Variants in AKAP1 observed in about 807,000 individuals in gnomAD.
AKAP1 encodes the protein A-kinase anchor protein 1, mitochondrial.
In AKAP1, 32 loss-of-function variants were observed where a neutral mutation model predicts 79.8. That is an observed-to-expected ratio of 0.40 (90% confidence interval 0.30 to 0.54). AKAP1 has a LOEUF of 0.54. AKAP1 is among the 20% of genes least tolerant of loss of function. The probability of loss-of-function intolerance (pLI) is 0.47; values close to 1 mark genes in which losing one functional copy is unlikely to be tolerated. For synonymous variants in AKAP1, 416 were observed against 466.7 expected, an observed-to-expected ratio of 0.89 and a Z score of 1.40; for missense variants, 961 against 1,138.9, an observed-to-expected ratio of 0.84 and a Z score of 2.25.
intron 10 of AKAP1, 83 bp from the exon 11 acceptor site, chr17:57,120,167 C>T (rs932317023): frequency 2.9e-5 from 38 of 1,304,444 alleles, no homozygotes; most frequent in Admixed American, 2.6e-4. Flanking sequence ...CAGTGGCAAC[C>T]GGGGAGGGGA....
intron 1 of AKAP1, chr17:57,096,245 T>G (rs973182176): frequency 3.9e-5 from 6 of 152,254 alleles, no homozygotes; most frequent in African/African-American, 9.7e-5. Context: ...TTTTGGCTTG[T>G]CTTGTCTTAC....
At chr17:57,112,955 G>A (rs116140159) in intron 5 of AKAP1, among the ~76,000 whole-genome samples, 1,987 of 152,294 alleles carry the variant, frequency 0.013, 47 homozygotes, top group African/African-American at 0.045. Flanking sequence ...GTCCAGGGTC[G>A]CCGTTCACCA....
rs368217273 is a variant in AKAP1 at position 57,091,679 on chromosome 17, A to ATTATTTATTTATTTAT, written c.-25+6293_-25+6308dup. On this transcript the variant is annotated intron_variant, in intron 1 of 10. Transcript: ENST00000337714. ...GAAACCACATAACCCCATTAAAAAC[A>ATTATTTATTTATTTAT]TTATTTATTTATTTATTTATTTATT... Among the ~76,000 whole-genome samples, 622 of 150,890 alleles carry ATTATTTATTTATTTAT rather than the reference A, an allele frequency of 4.1e-3. 2 individuals carry two copies. Among genetic ancestry groups the ATTATTTATTTATTTAT allele is most frequent in the African/African-American group, 0.014 (564 of 41,010 alleles).
In AKAP1 at chr17:57,106,013, C is replaced by A. The variant is rs376137828; in HGVS notation, c.549C>A (p.Pro183=). The change falls in exon 2 of 11, where the codon CCC becomes CCA. Residue 183 remains proline (P), a synonymous_variant. Coordinates refer to ENST00000337714, the MANE Select transcript of AKAP1 (RefSeq NM_003488.4). Reference sequence around the variant, plus strand: ...CAAGGAAGGTCCAGCCAGGCTACCCCGTAGTCCCCGCAGAGAAGCGTAGCT... The same window carrying A: ...CAAGGAAGGTCCAGCCAGGCTACCCAGTAGTCCCCGCAGAGAAGCGTAGCT... ...RVPRKVQPGY[P]VVPAEKRSSG... is the part of the protein sequence containing the mutation. 6.2e-7 allele frequency: 1 copy of A among 1,613,800 alleles called. No homozygotes were observed.
chr17:57,107,980 G>T, intron 2 of AKAP1: 2 of 1,289,480 alleles, frequency 1.6e-6, no homozygotes, highest in Non-Finnish European at 2.0e-6. Flanking sequence ...GGGGCACTTT[G>T]ATAACGAGGT....
At chr17:57,108,123 T>G in intron 2 of AKAP1, 2 of 812,500 alleles carry the variant, frequency 2.5e-6, no homozygotes, top group Non-Finnish European at 3.2e-6. Context: ...AGGCCACGAA[T>G]ATCCCGAGTG....
chr17:57,099,545 TAGG>T, intron 1 of AKAP1, among the ~76,000 whole-genome samples: 1 of 152,200 alleles, frequency 6.6e-6, no homozygotes, highest in African/African-American at 2.4e-5. Context: ...CAGTGCCTTC[TAGG>T]AGGCCATCCC....
chr17:57,100,650 T>C (rs1914448134), intron 1 of AKAP1, among the ~76,000 whole-genome samples: 1 of 152,040 alleles, frequency 6.6e-6, no homozygotes, highest in African/African-American at 2.4e-5. Flanking sequence ...ACAAACAAAC[T>C]GACCGGATGA....
chr17:57,091,048 T>C (rs531443028), intron 1 of AKAP1, among the ~76,000 whole-genome samples: 9 of 152,306 alleles, frequency 5.9e-5, no homozygotes, highest in African/African-American at 2.2e-4. Flanking sequence ...GGATGTGCCT[T>C]TGTGAGGTTG....
At chr17:57,112,671 C>G (rs1915325918) in intron 5 of AKAP1, 53 bp downstream of exon 5, 2 of 1,552,088 alleles carry the variant, frequency 1.3e-6, no homozygotes, top group Non-Finnish European at 1.7e-6. Flanking sequence ...CCCAAACCTA[C>G]CCCAAACAAG....
chr17:57,116,518 G>A (rs1915595488), intron 7 of AKAP1, among the ~76,000 whole-genome samples: 1 of 152,176 alleles, frequency 6.6e-6, no homozygotes, highest in African/African-American at 2.4e-5. Flanking sequence ...GTGGCCTGCT[G>A]CAAATCCCAG....
intron 1 of AKAP1, among the ~76,000 whole-genome samples, 154 bp from the exon 2 acceptor site, chr17:57,105,287 G>A (rs983043264): frequency 2.0e-5 from 3 of 152,166 alleles, no homozygotes; most frequent in Admixed American, 6.5e-5. Context: ...GGGTGGACTG[G>A]TACGAGCTGA....
intron 1 of AKAP1, among the ~76,000 whole-genome samples, chr17:57,096,940 T>C (rs1224896572): frequency 1.3e-5 from 2 of 152,174 alleles, no homozygotes; most frequent in Non-Finnish European, 1.5e-5. Flanking sequence ...AAGTGCTCAG[T>C]AACCTCCCAT....
At position 57,086,021 on chromosome 17, in the gene AKAP1, G is replaced by T. The variant is rs1913424183; in HGVS notation, c.-25+623G>T. 1 of 193,676 alleles carries T rather than the reference G, an allele frequency of 5.2e-6. No homozygotes were observed. The highest frequency in any genetic ancestry group is 1.1e-5 in the Non-Finnish European group (1 of 91,418). 12.0% of individuals were successfully genotyped at this position (193,676 alleles called of 1,614,324 possible). The stretch of plus-strand genomic sequence containing the variant: ...ATGGGCCGGGACATCGGCCGGTTGT[G>T]ATCCAACCGTGTTTCGGGCTGAGGG... On this transcript the variant is annotated intron_variant, in intron 1 of 10. Coordinates refer to ENST00000337714, the MANE Select transcript of AKAP1 (RefSeq NM_003488.4). This position sits in a 1 kb window ranked among gnomAD's most constrained non-coding sequence, Gnocchi z 5.1.
chr17:57,114,563 G>T lies in AKAP1; in HGVS notation c.2208G>T (p.Leu736=). 6.2e-7 allele frequency: 1 copy of T among 1,614,190 alleles called. No individual in the cohort carries two copies. The highest frequency in any genetic ancestry group is 2.2e-5 in the East Asian group (1 of 44,868). Residue 736 remains leucine (L), a synonymous_variant, in exon 6 of 11, where the codon CTG becomes CTT. Transcript: ENST00000337714. ...ACACACACCCTACCTTCCACGCGCT[G>T]CGCAGCCTCGACCAGCAGATGTACC... is the stretch of plus-strand genomic sequence containing the variant. ...QQHTHPTFHA[L]RSLDQQMYLC...
chr17:57,120,325 C>A lies in AKAP1; in HGVS notation c.*1C>A, dbSNP rs766595204. 1.2e-5 allele frequency: 20 copies of A among 1,612,446 alleles called. 1 individual carries two copies. In the South Asian group the frequency reaches 2.1e-4, roughly 17 times the overall value. On this transcript the variant is annotated 3_prime_UTR_variant, in exon 11 of 11. Transcript: ENST00000337714. ...AGACAGCTACTACACAAGCCTTTGACCCCCATGCTGCTTCCTGAGAGTCTT... is the reference window on the plus strand; with the variant it reads ...AGACAGCTACTACACAAGCCTTTGAACCCCATGCTGCTTCCTGAGAGTCTT...
chr17:57,092,226 C>T (rs1913827313), intron 1 of AKAP1: 2 of 152,192 alleles, frequency 1.3e-5, no homozygotes, highest in South Asian at 4.1e-4. Flanking sequence ...TTGCTGGTTC[C>T]CTAGGCCACC....
At chr17:57,108,008 T>A in intron 2 of AKAP1, 2 of 1,286,972 alleles carry the variant, frequency 1.6e-6, no homozygotes, top group Non-Finnish European at 2.0e-6. Flanking sequence ...GTTTTTCGAG[T>A]GCTGACCCCA....
chr17:57,089,365 G>A (rs1458718831), intron 1 of AKAP1, among the ~76,000 whole-genome samples: 1 of 152,166 alleles, frequency 6.6e-6, no homozygotes, highest in Non-Finnish European at 1.5e-5. Context: ...TTTAAAGATA[G>A]CTTTATTTGC....
Sources: allele counts gnomAD v4.1 joint callset (sites outside exome capture counted in the v4.1 genomes callset), GRCh38; gene constraint gnomAD v4.1.1; non-coding constraint Gnocchi (gnomAD v3.1); transcripts MANE v1.5; gene names NCBI Gene and HGNC (gene_info 2026-07-23, HGNC 2026-07-21).